The following RNF180 variants were observed in gnomAD, a reference collection of about 807,000 sequenced individuals.
The protein encoded by RNF180 is E3 ubiquitin-protein ligase RNF180.
RNF180 carries 38 observed loss-of-function variants against 59.2 expected under a neutral mutation model. The ratio of observed to expected loss-of-function variants is 0.64; its 90% confidence interval spans 0.50 to 0.84. The LOEUF (loss-of-function observed/expected upper bound fraction) is 0.84. Among genes scored for constraint, RNF180 ranks in the 40% least tolerant of loss-of-function variants. The probability of loss-of-function intolerance (pLI) is 0.00; values close to 1 mark genes in which losing one functional copy is unlikely to be tolerated. For missense variants in RNF180, 705 were observed against 700.9 expected, an observed-to-expected ratio of 1.01 and a Z score of -0.07; for synonymous variants, 262 against 240.3, an observed-to-expected ratio of 1.09 and a Z score of -0.84.
chr5:64,356,533 A>G (rs1028893191), intron 7 of RNF180, among the ~76,000 whole-genome samples: 8 of 152,032 alleles, frequency 5.3e-5, no homozygotes, highest in African/African-American at 1.7e-4. Flanking sequence ...CAGGGACTCA[A>G]AAAGATAGTT....
chr5:64,187,528 G>C lies in RNF180; in HGVS notation c.1-13280G>C, dbSNP rs573625148. Among the ~76,000 whole-genome samples the C allele has an allele frequency of 2.0e-5, 3 of 152,162 alleles. No homozygotes were observed. In the East Asian group the frequency reaches 5.8e-4, roughly 29 times the overall value. ...CCAACAATTATTTAAGAAGACTGTG[G>C]TCTCTCTCTCTGTAATTCGTGTTGG... On this transcript the variant is annotated intron_variant, in intron 1 of 7. Coordinates refer to ENST00000389100, the MANE Select transcript of RNF180 (RefSeq NM_001113561.2).
At chr5:64,317,699 A>G (rs887697377) in intron 5 of RNF180, among the ~76,000 whole-genome samples, 1 of 151,730 alleles carries the variant, frequency 6.6e-6, no homozygotes, top group African/African-American at 2.4e-5. Context: ...CCCCCAGTGG[A>G]TGCCTGAAGC....
At chr5:64,303,082 T>C (rs1304756262) in intron 5 of RNF180, among the ~76,000 whole-genome samples, 22 of 151,656 alleles carry the variant, frequency 1.5e-4, no homozygotes, top group African/African-American at 5.1e-4. Flanking sequence ...ATAATATCTG[T>C]TATGGTAATC....
chr5:64,243,463 C>T (rs1021935278), intron 5 of RNF180, among the ~76,000 whole-genome samples: 2 of 152,242 alleles, frequency 1.3e-5, no homozygotes, highest in Non-Finnish European at 2.9e-5. Context: ...TAAACAAAGA[C>T]GCCTGGAAGT....
chr5:64,165,777 T>A (rs1188972845), upstream of RNF180: 1 of 151,460 alleles, frequency 6.6e-6, no homozygotes, highest in African/African-American at 2.4e-5. Context: ...GGCCGCGGGG[T>A]CGGGGCTGCA....
At chr5:64,300,097 A>G (rs1743084117) in intron 5 of RNF180, among the ~76,000 whole-genome samples, 1 of 151,924 alleles carries the variant, frequency 6.6e-6, no homozygotes, top group African/African-American at 2.4e-5. Context: ...AAAGCACAGA[A>G]GTAGTACTAC....
In RNF180 at chr5:64,212,117, A is replaced by ATTC; in HGVS notation, c.189_190insTCT (p.Asn63_Val64insSer). ...AATATTTGTCATGTGTGGCACATGA[A>ATTC]TGTAGAAGCCCTTCCAGAATGGATA... On this transcript the variant is annotated inframe_insertion, in exon 3 of 8. Coordinates refer to ENST00000389100, the MANE Select transcript of RNF180 (RefSeq NM_001113561.2). 6.2e-7 allele frequency: 1 copy of ATTC among 1,608,082 alleles called. No individual in the cohort carries two copies. The highest frequency in any genetic ancestry group is 1.3e-5 in the African/African-American group (1 of 74,922).
intron 6 of RNF180, among the ~76,000 whole-genome samples, 183 bp downstream of exon 6, chr5:64,325,594 C>T (rs1391899455): frequency 1.3e-5 from 2 of 152,180 alleles, no homozygotes; most frequent in African/African-American, 2.4e-5. Context: ...AATAGATCCT[C>T]ATCTCGAATT....
At position 64,257,169 on chromosome 5, in the gene RNF180, A is replaced by C. The variant is rs59369710; in HGVS notation, c.1227+39773A>C. On this transcript the variant is annotated intron_variant, in intron 5 of 7. Coordinates refer to ENST00000389100, the MANE Select transcript of RNF180 (RefSeq NM_001113561.2). Reference sequence around the variant, plus strand: ...GCAAACAGGAACAATTTGACTTCCTATTTTCCTAATTGAATACCCTTTATG... The same window carrying C: ...GCAAACAGGAACAATTTGACTTCCTCTTTTCCTAATTGAATACCCTTTATG... Among the ~76,000 whole-genome samples the C allele has an allele frequency of 9.5e-3, 1,449 of 152,100 alleles. 23 individuals are homozygous for C. Among genetic ancestry groups the C allele is most frequent in the African/African-American group, 0.029 (1,219 of 41,492 alleles).
intron 5 of RNF180, among the ~76,000 whole-genome samples, chr5:64,282,132 C>T (rs10064736): frequency 0.29 from 43,529 of 151,908 alleles, 6,460 homozygotes; most frequent in African/African-American, 0.35. Flanking sequence ...GGTACCAGCT[C>T]CTCTTCATAT....
chr5:64,269,191 T>C (rs1744862033), intron 5 of RNF180, among the ~76,000 whole-genome samples: 1 of 152,172 alleles, frequency 6.6e-6, no homozygotes, highest in Non-Finnish European at 1.5e-5. Context: ...GCCTTTAATA[T>C]TTTATACTGT....
intron 1 of RNF180, among the ~76,000 whole-genome samples, chr5:64,199,640 T>G (rs1751633509): frequency 6.6e-6 from 1 of 152,182 alleles, no homozygotes; most frequent in Admixed American, 6.5e-5. Context: ...TAGGTAGCTT[T>G]CAATAAGTGT....
At chr5:64,327,176 C>CT (rs1363909286) in intron 6 of RNF180, among the ~76,000 whole-genome samples, 7 of 151,722 alleles carry the variant, frequency 4.6e-5, no homozygotes, top group South Asian at 4.2e-4. Flanking sequence ...TTATTTGGGT[C>CT]TTTTTTTCTT....
At chr5:64,211,182 A>G (rs1752294410) in intron 2 of RNF180, among the ~76,000 whole-genome samples, 1 of 152,110 alleles carries the variant, frequency 6.6e-6, no homozygotes, top group African/African-American at 2.4e-5. Context: ...CTCAAAGGGA[A>G]AACTAGAGGA....
Position 64,213,778 on chromosome 5 carries a change from C to G in RNF180, c.452C>G (p.Ala151Gly), listed in dbSNP as rs1752447418. 6.2e-7 allele frequency: 1 copy of G among 1,614,180 alleles called. No individual in the cohort carries two copies. The highest frequency in any genetic ancestry group is 8.5e-7 in the Non-Finnish European group (1 of 1,180,016). ...PRVQSGCDKEALLTGGGSENR... is the reference protein window; with the variant it reads ...PRVQSGCDKEGLLTGGGSENR... ...GTTCAGTCAGGTTGTGACAAGGAAG[C>G]TCTGCTGACAGGTGGTGGCTCTGAA... The change falls in exon 4 of 8, where the codon GCT becomes GGT. Residue 151 changes from alanine to glycine, a missense_variant. Coordinates refer to ENST00000389100, the MANE Select transcript of RNF180 (RefSeq NM_001113561.2).
intron 5 of RNF180, among the ~76,000 whole-genome samples, chr5:64,225,687 G>T (rs560003041): frequency 1.1e-3 from 155 of 142,742 alleles, no homozygotes; most frequent in African/African-American, 3.8e-3. Context: ...CGTCTGGGAA[G>T]TGAGGAGCGC....
At position 64,213,984 on chromosome 5, in the gene RNF180, G is replaced by A. The variant is rs747322087; in HGVS notation, c.658G>A (p.Ala220Thr). 8.1e-6 allele frequency: 13 copies of A among 1,613,948 alleles called. No homozygotes were observed. Among genetic ancestry groups the A allele is most frequent in the African/African-American group, 1.3e-5 (1 of 74,916 alleles). Reference sequence around the variant, plus strand: ...TCCCCAGCTTGTGACTGGCAGATGCGCTACAAGAGCTTTTCATAGAAAATC... The same window carrying A: ...TCCCCAGCTTGTGACTGGCAGATGCACTACAAGAGCTTTTCATAGAAAATC... ...FVPQLVTGRC[A>T]TRAFHRKSHS... Residue 220 changes from alanine (A) to threonine (T), a missense_variant, in exon 4 of 8, where the codon GCT becomes ACT. Transcript: ENST00000389100.
In RNF180 at chr5:64,200,960, C is replaced by T. The variant is rs1164625287; in HGVS notation, c.135+18C>T. On this transcript the variant is annotated intron_variant, in intron 2 of 7. Transcript: ENST00000389100. Reference sequence around the variant, plus strand: ...TGATTAAGGTGAGTATTGGTAACTCCAGTCTTCAGTTTCCTGGTAGAGGAG... The same window carrying T: ...TGATTAAGGTGAGTATTGGTAACTCTAGTCTTCAGTTTCCTGGTAGAGGAG... 2 of 1,608,272 alleles carry T rather than the reference C, an allele frequency of 1.2e-6. No individual in the cohort carries two copies. The highest frequency in any genetic ancestry group is 1.7e-6 in the Non-Finnish European group (2 of 1,175,724).
At chr5:64,263,852 T>C (rs1223625884) in intron 5 of RNF180, among the ~76,000 whole-genome samples, 3 of 152,192 alleles carry the variant, frequency 2.0e-5, no homozygotes, top group Admixed American at 6.6e-5. Context: ...GCAATCAGTA[T>C]GTTTAGTCTT....
Sources: gnomAD v4.1 joint callset for allele counts (sites outside exome capture counted in the v4.1 genomes callset) on GRCh38, gnomAD v4.1.1 for gene constraint, MANE v1.5 for transcripts, NCBI Gene and HGNC (gene_info 2026-07-23, HGNC 2026-07-21) for gene names.